Variants in ZNF407 observed in about 807,000 individuals in gnomAD.
ZNF407 encodes zinc finger protein 407.
Under a neutral mutation model 131.2 loss-of-function variants are expected in ZNF407, and 17 were observed. The observed-to-expected ratio is 0.13, with a 90% confidence interval of 0.09 to 0.19. The LOEUF is 0.19. Among genes scored for constraint, ZNF407 ranks in the 10% least tolerant of loss-of-function variants. The probability of loss-of-function intolerance (pLI) is 1.00; values close to 1 mark genes in which losing one functional copy is unlikely to be tolerated. For missense variants in ZNF407, 2,681 were observed against 2,830.6 expected (o/e 0.95, Z 1.20); for synonymous variants, 1,156 against 1,062.0 (o/e 1.09, Z -1.72).
intron 4 of ZNF407, among the ~76,000 whole-genome samples, chr18:74,784,906 A>T (rs1232696260): frequency 6.6e-6 from 1 of 152,228 alleles, no homozygotes; most frequent in Non-Finnish European, 1.5e-5. Context: ...TTCGTCGTTC[A>T]GTGCTGGAAA....
intron 8 of ZNF407, among the ~76,000 whole-genome samples, chr18:74,979,374 C>T (rs1334525384): frequency 6.6e-6 from 1 of 152,196 alleles, no homozygotes; most frequent in Non-Finnish European, 1.5e-5. Context: ...TCACTGCAAC[C>T]TCTGCCTCCC....
At chr18:74,732,132 A>G (rs1006680101) in intron 3 of ZNF407, among the ~76,000 whole-genome samples, 1 of 152,198 alleles carries the variant, frequency 6.6e-6, no homozygotes, top group Non-Finnish European at 1.5e-5. Context: ...GTAGATATTT[A>G]TTATTTGGAC....
intron 8 of ZNF407, among the ~76,000 whole-genome samples, chr18:74,955,384 T>G (rs1186873424): frequency 6.6e-6 from 1 of 152,060 alleles, no homozygotes; most frequent in Admixed American, 6.5e-5. Flanking sequence ...GTAGAGGACA[T>G]AGCTGAAATC....
intron 1 of ZNF407, among the ~76,000 whole-genome samples, chr18:74,599,754 C>T (rs960931600): frequency 6.6e-6 from 1 of 152,112 alleles, no homozygotes; most frequent in Non-Finnish European, 1.5e-5. Context: ...AAAATATACT[C>T]TCCTAGTTTG....
rs1056326019 is a variant in ZNF407, at chr18:74,634,747, T to G, written c.3728T>G (p.Val1243Gly). The G allele has an allele frequency of 6.2e-6, 10 of 1,613,878 alleles. No individual in the cohort carries two copies. In the East Asian group the frequency reaches 2.0e-4, roughly 32 times the overall value. ...GGAAACGCAGGAGACGGTGGAGGTG[T>G]TGTCCCCCACAGACACCTGTGCCCT... is the stretch of plus-strand genomic sequence containing the variant. ...EGGNAGDGGG[V>G]VPHRHLCPVT... Residue 1243 changes from valine to glycine, a missense_variant, in exon 2 of 9, where the codon GTT becomes GGT. Val to Gly is a moderately radical substitution (Grantham distance 109, BLOSUM62 -3). Coordinates refer to ENST00000299687, the MANE Select transcript of ZNF407 (RefSeq NM_017757.3).
chr18:74,660,555 A>G (rs1176181812), intron 3 of ZNF407, among the ~76,000 whole-genome samples: 1 of 152,110 alleles, frequency 6.6e-6, no homozygotes, highest in Non-Finnish European at 1.5e-5. Flanking sequence ...TTAATTGCTT[A>G]CATCGATTCT....
At chr18:75,043,110 G>A (rs981130447) in intron 8 of ZNF407, among the ~76,000 whole-genome samples, 2 of 152,204 alleles carry the variant, frequency 1.3e-5, no homozygotes, top group Non-Finnish European at 1.5e-5. Flanking sequence ...CACCATGGCT[G>A]TGCCATTTCG....
At chr18:74,691,848 C>A (rs758032792) in intron 3 of ZNF407, among the ~76,000 whole-genome samples, 2 of 152,110 alleles carry the variant, frequency 1.3e-5, no homozygotes, top group African/African-American at 2.4e-5. Flanking sequence ...AATCCCAGCA[C>A]TTTGGGAGGC....
At chr18:74,765,496 A>G (rs1313855871) in intron 3 of ZNF407, among the ~76,000 whole-genome samples, 2 of 152,158 alleles carry the variant, frequency 1.3e-5, no homozygotes, top group African/African-American at 4.8e-5. Flanking sequence ...TCAGTGTAGG[A>G]TTAGTTGTCT....
intron 3 of ZNF407, among the ~76,000 whole-genome samples, chr18:74,751,689 A>G (rs1187829176): frequency 1.3e-5 from 2 of 152,204 alleles, no homozygotes; most frequent in African/African-American, 2.4e-5. Flanking sequence ...ATGTCCCTAC[A>G]AAGGACATGA....
At chr18:75,023,158 A>G (rs1244398621) in intron 8 of ZNF407, among the ~76,000 whole-genome samples, 2 of 152,128 alleles carry the variant, frequency 1.3e-5, no homozygotes, top group African/African-American at 4.8e-5. Context: ...GAAGGAGAAC[A>G]AGACACGCTG....
At chr18:74,781,901 G>C (rs1969610417) in intron 4 of ZNF407, among the ~76,000 whole-genome samples, 1 of 152,138 alleles carries the variant, frequency 6.6e-6, no homozygotes, top group Admixed American at 6.5e-5. Flanking sequence ...TAGACTTAAA[G>C]ATTGCTGATA....
intron 4 of ZNF407, among the ~76,000 whole-genome samples, chr18:74,860,421 G>A (rs772967249): frequency 6.6e-6 from 1 of 151,714 alleles, no homozygotes; most frequent in Non-Finnish European, 1.5e-5. Flanking sequence ...GTATGTAATT[G>A]TTAAATAACT....
At chr18:74,778,655 A>G (rs1969525937) in intron 3 of ZNF407, among the ~76,000 whole-genome samples, 1 of 152,188 alleles carries the variant, frequency 6.6e-6, no homozygotes, top group African/African-American at 2.4e-5. Context: ...GTGAATGACT[A>G]GCACTGTCCA....
chr18:74,841,775 T>C (rs968018365), intron 4 of ZNF407, among the ~76,000 whole-genome samples: 1 of 152,204 alleles, frequency 6.6e-6, no homozygotes, highest in Non-Finnish European at 1.5e-5. Context: ...AATTCCGTGA[T>C]GAAACTCATG....
intron 4 of ZNF407, among the ~76,000 whole-genome samples, chr18:74,859,575 A>G (rs1970908478): frequency 6.6e-6 from 1 of 152,220 alleles, no homozygotes; most frequent in African/African-American, 2.4e-5. Context: ...GGAGGAAGCA[A>G]ATCTTTTCAT....
At chr18:74,649,008 C>T (rs1215276292) in intron 3 of ZNF407, among the ~76,000 whole-genome samples, 2 of 152,216 alleles carry the variant, frequency 1.3e-5, no homozygotes, top group Non-Finnish European at 2.9e-5. Context: ...GAGACCCTGT[C>T]TCCTCTTTCC....
At chr18:74,600,584 A>C (rs542901282) in intron 1 of ZNF407, among the ~76,000 whole-genome samples, 1 of 152,312 alleles carries the variant, frequency 6.6e-6, no homozygotes, top group African/African-American at 2.4e-5. Flanking sequence ...CCCTAAAAGC[A>C]AAAATGTCCA....
chr18:74,957,271 G>A (rs1300866751), intron 8 of ZNF407, among the ~76,000 whole-genome samples: 2 of 152,138 alleles, frequency 1.3e-5, no homozygotes, highest in Non-Finnish European at 2.9e-5. Flanking sequence ...TACCATGGGG[G>A]CAACCGGCAC....
Sources: allele counts gnomAD v4.1 joint callset (sites outside exome capture counted in the v4.1 genomes callset), GRCh38; gene constraint gnomAD v4.1.1; transcripts MANE v1.5; gene names NCBI Gene and HGNC (gene_info 2026-07-23, HGNC 2026-07-21).